Variants in DNALI1 observed in about 807,000 individuals in gnomAD.
The protein encoded by DNALI1 is dynein axonemal light intermediate chain 1.
Under a neutral mutation model 33.9 loss-of-function variants are expected in DNALI1, and 31 were observed. The ratio of observed to expected loss-of-function variants is 0.91; its 90% CI spans 0.69 to 1.23. The LOEUF is 1.23. DNALI1 is among the 50% of genes most tolerant of loss of function. The pLI is 0.00. For synonymous variants in DNALI1, 117 were observed against 129.2 expected (o/e 0.91, Z 0.64); for missense variants, 305 against 323.8 (o/e 0.94, Z 0.44).
chr1:37,558,714 C>T (rs900578604), intron 2 of DNALI1, among the ~76,000 whole-genome samples: 1 of 152,216 alleles, frequency 6.6e-6, no homozygotes, highest in South Asian at 2.1e-4. Context: ...TTCTTCCAGG[C>T]CTTCCTTGAG....
At position 37,556,951 on chromosome 1, in the gene DNALI1, A is replaced by C. The variant is rs982892705; in HGVS notation, c.-44A>C. 6.2e-7 allele frequency: 1 copy of C among 1,614,244 alleles called. No homozygotes were observed. Among genetic ancestry groups the C allele is most frequent in the African/African-American group, 1.3e-5 (1 of 75,070 alleles). The stretch of plus-strand genomic sequence containing the variant: ...TCCATGGTGACGGCAAACAAGGCCC[A>C]CACTGGACAGGGCAGCTGCTGGGTT... On this transcript the variant is annotated 5_prime_UTR_variant, in exon 1 of 6. Coordinates refer to ENST00000652629, the MANE Select transcript of DNALI1 (RefSeq NM_003462.5).
rs1643486154 is a variant in DNALI1 at position 37,565,228 on chromosome 1, A to C, written c.*167A>C. 2 of 705,038 alleles carry C rather than the reference A, an allele frequency of 2.8e-6. No homozygotes were observed. The highest frequency in any genetic ancestry group is 4.8e-6 in the Non-Finnish European group (2 of 419,352). 43.7% of individuals were successfully genotyped at this position (705,038 alleles called of 1,614,324 possible). On this transcript the variant is annotated 3_prime_UTR_variant, in exon 6 of 6. Transcript: ENST00000652629. ...CACCTAGGTATTTGTTAGAAGTCACACTATTACTCCAATGTCATCAGACAC... is the reference window on the plus strand; with the variant it reads ...CACCTAGGTATTTGTTAGAAGTCACCCTATTACTCCAATGTCATCAGACAC...
intron 2 of DNALI1, 32 bp downstream of exon 2, chr1:37,557,780 G>C: frequency 2.5e-6 from 4 of 1,612,026 alleles, no homozygotes; most frequent in East Asian, 2.2e-5. Context: ...CTGGGAGAAG[G>C]CCTAAGCTTT....
Position 37,562,446 on chromosome 1 carries a change from G to A in DNALI1, c.741+201G>A, listed in dbSNP as rs1334231994. On this transcript the variant is annotated intron_variant, in intron 5 of 5. Coordinates refer to ENST00000652629, the MANE Select transcript of DNALI1 (RefSeq NM_003462.5). The surrounding 1 kb of genome is among the most constrained non-coding windows in gnomAD (Gnocchi z 5.8). ...ACTCTCAACTCCAAATCTCTGAGGC[G>A]CCTCAGCCTGGCTCTCCAGTGGAGG... is the stretch of plus-strand genomic sequence containing the variant. 3.3e-5 allele frequency among the ~76,000 whole-genome samples: 5 copies of A among 152,108 alleles called. No homozygotes were observed. Among genetic ancestry groups the A allele is most frequent in the Admixed American group, 2.6e-4 (4 of 15,280 alleles).
At position 37,565,025 on chromosome 1, in the gene DNALI1, G is replaced by A; in HGVS notation, c.742-1G>A. ...TAATGGAGCTTGTTTTTGTTTTTCAGGCCCAACTGGAAGGCATTATTGCAC... is the reference window on the plus strand; with the variant it reads ...TAATGGAGCTTGTTTTTGTTTTTCAAGCCCAACTGGAAGGCATTATTGCAC... On this transcript the variant is annotated splice_acceptor_variant, in intron 5 of 5. Coordinates refer to ENST00000652629, the MANE Select transcript of DNALI1 (RefSeq NM_003462.5). LOFTEE classifies it high-confidence loss of function. 1.2e-6 allele frequency: 2 copies of A among 1,614,076 alleles called. No homozygotes were observed. The highest frequency in any genetic ancestry group is 1.7e-6 in the Non-Finnish European group (2 of 1,179,980).
At position 37,561,510 on chromosome 1, in the gene DNALI1, C is replaced by T. The variant is rs1408962011; in HGVS notation, c.398-47C>T. On this transcript the variant is annotated intron_variant, in intron 3 of 5. Transcript: ENST00000652629. The surrounding 1 kb of genome is among the most constrained non-coding windows in gnomAD (Gnocchi z 4.6). The stretch of plus-strand genomic sequence containing the variant: ...TGTTTGCAGTAGACATACTGCAAGC[C>T]CCCTCCCCACGCCCTGTCTGATCTC... 1.9e-6 allele frequency: 3 copies of T among 1,592,250 alleles called. No homozygotes were observed. Among genetic ancestry groups the T allele is most frequent in the South Asian group, 2.3e-5 (2 of 88,562 alleles).
chr1:37,563,262 T>C (rs1643461362), intron 5 of DNALI1, among the ~76,000 whole-genome samples: 1 of 152,246 alleles, frequency 6.6e-6, no homozygotes, highest in African/African-American at 2.4e-5. Context: ...GAACTTTTCT[T>C]GTTGCACAAA....
chr1:37,564,689 A>C (rs1042020934), intron 5 of DNALI1, among the ~76,000 whole-genome samples: 3 of 152,170 alleles, frequency 2.0e-5, no homozygotes, highest in African/African-American at 7.2e-5. Context: ...CCAGAGAGCC[A>C]AATGTTTAAC....
chr1:37,558,553 A>C (rs1643399892), intron 2 of DNALI1, among the ~76,000 whole-genome samples: 2 of 152,148 alleles, frequency 1.3e-5, no homozygotes, highest in Admixed American at 6.5e-5. Context: ...ATCTCCTGTT[A>C]TTCTGTTTCT....
Position 37,566,068 on chromosome 1 carries a change from T to C in DNALI1, c.*1007T>C, listed in dbSNP as rs896867830. On this transcript the variant is annotated 3_prime_UTR_variant, in exon 6 of 6. Coordinates refer to ENST00000652629, the MANE Select transcript of DNALI1 (RefSeq NM_003462.5). ...CCTAAAAGGCACTAACATGCTCAGG[T>C]TCCCCAGAAAGAGGCGTAAGAAGGG... The C allele has an allele frequency of 3.9e-5, 6 of 152,096 alleles. No individual in the cohort carries two copies. Among genetic ancestry groups the C allele is most frequent in the East Asian group, 1.9e-4 (1 of 5,194 alleles). The allele number at this position is 152,096 out of a possible 1,614,324, so 9.4% of individuals were successfully genotyped here.
chr1:37,559,969 A>G lies in DNALI1; in HGVS notation c.397+473A>G, dbSNP rs1557632602. On this transcript the variant is annotated intron_variant, in intron 3 of 5. Coordinates refer to ENST00000652629, the MANE Select transcript of DNALI1 (RefSeq NM_003462.5). This position sits in a 1 kb window ranked among gnomAD's most constrained non-coding sequence, Gnocchi z 5.3. ...GGAATCTGTGTCACGAATAAGTTCA[A>G]GGGAAGGTACTATGCCTGGATGTGC... Among the ~76,000 whole-genome samples the G allele has an allele frequency of 2.0e-5, 3 of 152,242 alleles. No individual in the cohort carries two copies. Among genetic ancestry groups the G allele is most frequent in the Admixed American group, 2.0e-4 (3 of 15,294 alleles).
In DNALI1 at chr1:37,566,684, A is replaced by AAAGT; in HGVS notation, c.*1623_*1624insAAGT. On this transcript the variant is annotated 3_prime_UTR_variant, in exon 6 of 6. Transcript: ENST00000652629. ...AGTGCTAGACTTTCAGACTCTTATC[A>AAAGT]CTGAAATCCTTAAGGTTGAGGAGGC... is the stretch of plus-strand genomic sequence containing the variant. 1 of 619,400 alleles carries AAAGT rather than the reference A, an allele frequency of 1.6e-6. No individual in the cohort carries two copies. Among genetic ancestry groups the AAAGT allele is most frequent in the Non-Finnish European group, 2.8e-6 (1 of 357,546 alleles). The allele number at this position is 619,400 out of a possible 1,614,324, so 38.4% of individuals were successfully genotyped here. A position where few individuals can be genotyped will look rare whatever the true frequency, so the allele number is the denominator to read the frequency against.
intron 5 of DNALI1, among the ~76,000 whole-genome samples, chr1:37,563,983 C>G (rs1203789207): frequency 6.6e-6 from 1 of 151,866 alleles, no homozygotes; most frequent in East Asian, 1.9e-4. Flanking sequence ...CCTGTAATCC[C>G]AGCACTTTGG....
rs913331332 is a variant in DNALI1, at chr1:37,559,744, A to G, written c.397+248A>G. On this transcript the variant is annotated intron_variant, in intron 3 of 5. Coordinates refer to ENST00000652629, the MANE Select transcript of DNALI1 (RefSeq NM_003462.5). The surrounding 1 kb of genome is among the most constrained non-coding windows in gnomAD (Gnocchi z 5.3). ...GCAGGAGGAGAGACTAAGAAAAGAA[A>G]TAAGACACAGACAAAGTATAGAGAA... is the stretch of plus-strand genomic sequence containing the variant. 2.6e-5 allele frequency among the ~76,000 whole-genome samples: 4 copies of G among 152,196 alleles called. No individual in the cohort carries two copies. The highest frequency in any genetic ancestry group is 4.4e-5 in the Non-Finnish European group (3 of 68,040).
rs1348734563 is a variant in DNALI1, at chr1:37,562,543, C to T, written c.741+298C>T. Among the ~76,000 whole-genome samples, 4 of 152,138 alleles carry T rather than the reference C, an allele frequency of 2.6e-5. No homozygotes were observed. The highest frequency in any genetic ancestry group is 4.4e-5 in the Non-Finnish European group (3 of 68,034). ...ATATGGCAAAAAGTGGAACTCCATT[C>T]CCCTGGAAGCTGGTATGTTGGAGCC... On this transcript the variant is annotated intron_variant, in intron 5 of 5. Transcript: ENST00000652629. The surrounding 1 kb of genome is among the most constrained non-coding windows in gnomAD (Gnocchi z 5.8).
chr1:37,557,892 G>A (rs1643392155), intron 2 of DNALI1, 144 bp downstream of exon 2: 7 of 1,173,176 alleles, frequency 6.0e-6, no homozygotes, highest in Non-Finnish European at 8.4e-6. Context: ...ACATATGGCT[G>A]GATCCTGGCA....
At position 37,561,503 on chromosome 1, in the gene DNALI1, T is replaced by C. The variant is rs1055280790; in HGVS notation, c.398-54T>C. 7 of 1,585,754 alleles carry C rather than the reference T, an allele frequency of 4.4e-6. No homozygotes were observed. The highest frequency in any genetic ancestry group is 1.7e-5 in the Admixed American group (1 of 58,270). On this transcript the variant is annotated intron_variant, in intron 3 of 5. Transcript: ENST00000652629. This position sits in a 1 kb window ranked among gnomAD's most constrained non-coding sequence, Gnocchi z 4.6. ...GGAAGGGTGTTTGCAGTAGACATAC[T>C]GCAAGCCCCCTCCCCACGCCCTGTC... is the stretch of plus-strand genomic sequence containing the variant.
rs1643491517 is a variant in DNALI1 at position 37,565,657 on chromosome 1, T to C, written c.*596T>C. ...TAGGAAACAATGGCAGTCAAACCCA[T>C]GGCTTTGGAGAAAGTAAATGTTTGC... On this transcript the variant is annotated 3_prime_UTR_variant, in exon 6 of 6. Transcript: ENST00000652629. 6.5e-6 allele frequency: 1 copy of C among 153,080 alleles called. No individual in the cohort carries two copies. The highest frequency in any genetic ancestry group is 6.5e-5 in the Admixed American group (1 of 15,390). 9.5% of individuals were successfully genotyped at this position (153,080 alleles called of 1,614,324 possible).
At chr1:37,564,581 C>A (rs1410841022) in intron 5 of DNALI1, among the ~76,000 whole-genome samples, 1 of 152,080 alleles carries the variant, frequency 6.6e-6, no homozygotes, top group African/African-American at 2.4e-5. Context: ...CGGGGTTTCA[C>A]CGTGTTATCC....
Sources: gnomAD v4.1 joint callset for allele counts (sites outside exome capture counted in the v4.1 genomes callset) on GRCh38, gnomAD v4.1.1 for gene constraint, Gnocchi (gnomAD v3.1) non-coding constraint, MANE v1.5 for transcripts, NCBI Gene and HGNC (gene_info 2026-07-23, HGNC 2026-07-21) for gene names.